The following OPCML variants were observed in gnomAD, a reference collection of about 807,000 sequenced individuals.
OPCML encodes opioid-binding protein/cell adhesion molecule.
Under a neutral mutation model 37.8 loss-of-function variants are expected in OPCML, and 13 were observed. That is an observed-to-expected ratio of 0.34 (90% CI 0.22 to 0.55). The LOEUF (loss-of-function observed/expected upper bound fraction) is 0.55, where lower values mean the gene tolerates loss of function less well. Ranked by LOEUF, OPCML falls within the 20% of genes least tolerant of loss-of-function variation. The pLI, the probability that OPCML is intolerant of heterozygous loss-of-function variation, is 0.91. For missense variants in OPCML, 341 were observed against 435.6 expected (o/e 0.78, Z 1.93); for synonymous variants, 176 against 168.8 (o/e 1.04, Z -0.33).
chr11:133,007,330 T>C, intron 1 of OPCML: 1 of 985,480 alleles, frequency 1.0e-6, no homozygotes, highest in East Asian at 1.1e-4. Flanking sequence ...AGCAGAACTC[T>C]GGATTGATTT....
At chr11:132,423,361 A>G (rs928461494) in intron 7 of OPCML, among the ~76,000 whole-genome samples, 3 of 152,236 alleles carry the variant, frequency 2.0e-5, no homozygotes, top group Non-Finnish European at 4.4e-5. Context: ...CCAGAGAATG[A>G]ATTTAATCCA....
intron 1 of OPCML, among the ~76,000 whole-genome samples, chr11:133,124,229 A>G (rs189086732): frequency 6.3e-4 from 96 of 152,196 alleles, no homozygotes; most frequent in Non-Finnish European, 1.5e-4. Flanking sequence ...TCTTAAGTCC[A>G]GCTTTCCCTG....
At chr11:132,486,119 T>C (rs927843288) in intron 4 of OPCML, among the ~76,000 whole-genome samples, 3 of 152,206 alleles carry the variant, frequency 2.0e-5, no homozygotes, top group Non-Finnish European at 4.4e-5. Context: ...ATTGCCTTAA[T>C]ACTCATAAAA....
intron 4 of OPCML, among the ~76,000 whole-genome samples, chr11:132,515,401 G>A (rs2096277468): frequency 6.6e-6 from 1 of 152,128 alleles, no homozygotes; most frequent in Admixed American, 6.5e-5. Flanking sequence ...AATAGGGTAG[G>A]GAGAGTTGGG....
At chr11:133,347,907 G>A (rs921256568) in intron 1 of OPCML, among the ~76,000 whole-genome samples, 2 of 152,142 alleles carry the variant, frequency 1.3e-5, no homozygotes, top group Non-Finnish European at 2.9e-5. Flanking sequence ...AGTGAGCTGA[G>A]AGGAAAGACA....
At chr11:133,220,075 A>C (rs531207520) in intron 1 of OPCML, among the ~76,000 whole-genome samples, 2 of 152,060 alleles carry the variant, frequency 1.3e-5, no homozygotes, top group South Asian at 4.2e-4. Context: ...CATTCCTTCA[A>C]CCCTAAGACT....
At chr11:132,719,376 A>T (rs543878355) in intron 2 of OPCML, among the ~76,000 whole-genome samples, 4 of 152,202 alleles carry the variant, frequency 2.6e-5, no homozygotes, top group Non-Finnish European at 5.9e-5. Flanking sequence ...TTCAGGATTC[A>T]TTGAGAGACT....
intron 1 of OPCML, among the ~76,000 whole-genome samples, chr11:132,999,530 TAA>T (rs1483280847): frequency 2.0e-5 from 3 of 146,750 alleles, no homozygotes; most frequent in Non-Finnish European, 4.5e-5. Flanking sequence ...TGTTTGATAT[TAA>T]AAGAGTCACA....
intron 1 of OPCML, among the ~76,000 whole-genome samples, chr11:133,075,105 T>C (rs1948601430): frequency 6.6e-6 from 1 of 152,144 alleles, no homozygotes; most frequent in Non-Finnish European, 1.5e-5. Flanking sequence ...TAGCTGCATT[T>C]TGTCACAGAC....
At chr11:132,957,592 A>G (rs1945999047) in intron 1 of OPCML, among the ~76,000 whole-genome samples, 1 of 152,204 alleles carries the variant, frequency 6.6e-6, no homozygotes, top group Non-Finnish European at 1.5e-5. Context: ...TTTTGCAGAT[A>G]CTGGGTATTT....
chr11:133,140,580 G>GAAGA (rs1565467484), intron 1 of OPCML, among the ~76,000 whole-genome samples: 5 of 116,020 alleles, frequency 4.3e-5, no homozygotes, highest in Non-Finnish European at 7.6e-5. Context: ...GAAGAAGAAA[G>GAAGA]AAGAAAAAAG....
At chr11:132,622,903 C>G (rs944353754) in intron 3 of OPCML, among the ~76,000 whole-genome samples, 1 of 152,186 alleles carries the variant, frequency 6.6e-6, no homozygotes, top group African/African-American at 2.4e-5. Flanking sequence ...ATTTAGTTCT[C>G]TACTTACTGT....
At chr11:132,901,388 C>T (rs1439272292) in intron 2 of OPCML, among the ~76,000 whole-genome samples, 2 of 152,062 alleles carry the variant, frequency 1.3e-5, no homozygotes, top group African/African-American at 2.4e-5. Flanking sequence ...TTGATTGAGT[C>T]CTCAGTTTTC....
chr11:132,461,385 C>T (rs184623320), intron 4 of OPCML, among the ~76,000 whole-genome samples: 6 of 152,244 alleles, frequency 3.9e-5, no homozygotes, highest in Admixed American at 2.6e-4. Context: ...GGACTGGGTT[C>T]GAGCAGGTTC....
At chr11:132,956,811 C>A (rs557469894) in intron 1 of OPCML, among the ~76,000 whole-genome samples, 1 of 152,124 alleles carries the variant, frequency 6.6e-6, no homozygotes, top group Non-Finnish European at 1.5e-5. Context: ...TGGATGGAAT[C>A]AGTTTTACAA....
chr11:132,445,625 T>C lies in OPCML; in HGVS notation c.506-8266A>G, dbSNP rs575094919. 2.6e-5 allele frequency among the ~76,000 whole-genome samples: 4 copies of C among 152,320 alleles called. No homozygotes were observed. In the East Asian group the frequency reaches 5.8e-4, roughly 22 times the overall value. On this transcript the variant is annotated intron_variant, in intron 4 of 7. Coordinates refer to ENST00000524381, the MANE Select transcript of OPCML (RefSeq NM_001012393.5). ...AGCACTTTAAAAATAGACTCTTGTG[T>C]TCATGCTTATGGATGGTGAACATGG...
At chr11:132,853,493 TA>T (rs1941907307) in intron 2 of OPCML, among the ~76,000 whole-genome samples, 1 of 152,194 alleles carries the variant, frequency 6.6e-6, no homozygotes, top group Non-Finnish European at 1.5e-5. Context: ...TCACCCTTTT[TA>T]GGGATATAGT....
intron 1 of OPCML, among the ~76,000 whole-genome samples, chr11:133,380,390 A>G (rs149661557): frequency 1.3e-5 from 2 of 152,310 alleles, no homozygotes; most frequent in East Asian, 3.9e-4. Context: ...AATTTTCCTA[A>G]CTGATCTTCA....
chr11:132,430,937 C>T (rs899167985), intron 7 of OPCML, among the ~76,000 whole-genome samples: 5 of 152,080 alleles, frequency 3.3e-5, no homozygotes, highest in Non-Finnish European at 7.4e-5. Context: ...TTGCTCAAGG[C>T]CCAGAGGGGA....
Sources: gnomAD v4.1 joint callset for allele counts (sites outside exome capture counted in the v4.1 genomes callset) on GRCh38, gnomAD v4.1.1 for gene constraint, MANE v1.5 for transcripts, NCBI Gene and HGNC (gene_info 2026-07-23, HGNC 2026-07-21) for gene names.